The following ADAM17 variants were observed in gnomAD, a reference collection of about 807,000 sequenced individuals.
ADAM17 encodes ADAM metallopeptidase domain 17, also known as disintegrin and metalloproteinase domain-containing protein 17.
A neutral mutation model predicts 96.7 loss-of-function variants in ADAM17; 39 were observed. The observed-to-expected ratio is 0.40, with a 90% CI of 0.31 to 0.53. ADAM17 has a LOEUF of 0.53. ADAM17 is among the 20% of genes least tolerant of loss of function. ADAM17 has a pLI of 0.44. For missense variants in ADAM17, 777 were observed against 1,013.2 expected (o/e 0.77, Z 3.17); for synonymous variants, 344 against 359.2 (o/e 0.96, Z 0.48).
At chr2:9,514,839 C>T (rs1373756823) in intron 10 of ADAM17, among the ~76,000 whole-genome samples, 2 of 151,966 alleles carry the variant, frequency 1.3e-5, no homozygotes, top group African/African-American at 4.8e-5. Context: ...CATGCCATTG[C>T]ACTCCAGCAT....
intron 10 of ADAM17, among the ~76,000 whole-genome samples, chr2:9,515,020 G>A (rs936025778): frequency 6.6e-6 from 1 of 152,116 alleles, no homozygotes; most frequent in Non-Finnish European, 1.5e-5. Flanking sequence ...GCCACCACCT[G>A]TTTTTAAATC....
intron 4 of ADAM17, among the ~76,000 whole-genome samples, chr2:9,533,711 T>G (rs928427025): frequency 1.3e-5 from 2 of 152,206 alleles, no homozygotes; most frequent in African/African-American, 4.8e-5. Flanking sequence ...TGTTCTAGAA[T>G]GTATTGAACG....
chr2:9,502,500 A>C (rs1663066529), intron 12 of ADAM17, among the ~76,000 whole-genome samples: 1 of 152,176 alleles, frequency 6.6e-6, no homozygotes, highest in Non-Finnish European at 1.5e-5. Context: ...CTATAGGAGA[A>C]AAGAATGGGA....
chr2:9,495,160 C>T (rs1197319506), intron 14 of ADAM17, among the ~76,000 whole-genome samples: 1 of 152,252 alleles, frequency 6.6e-6, no homozygotes, highest in Non-Finnish European at 1.5e-5. Context: ...AGGGCCCACA[C>T]TGGCTCCCTG....
chr2:9,545,340 G>A (rs938859045), intron 1 of ADAM17, among the ~76,000 whole-genome samples: 2 of 152,228 alleles, frequency 1.3e-5, no homozygotes, highest in African/African-American at 2.4e-5. Flanking sequence ...AGGCAGAGGC[G>A]GGTGGATCAC....
intron 11 of ADAM17, chr2:9,505,713 A>T (rs1663347099): frequency 3.7e-6 from 1 of 267,240 alleles, no homozygotes; most frequent in African/African-American, 2.2e-5. Context: ...ATCAGACTTG[A>T]AATCTCCTCA....
chr2:9,511,381 C>T (rs1413605433), intron 10 of ADAM17, among the ~76,000 whole-genome samples: 1 of 151,842 alleles, frequency 6.6e-6, no homozygotes, highest in African/African-American at 2.4e-5. Context: ...ACCCAGGAGG[C>T]GGAGGTTGCA....
At chr2:9,501,149 C>G (rs1470387158) in intron 13 of ADAM17, among the ~76,000 whole-genome samples, 4 of 151,848 alleles carry the variant, frequency 2.6e-5, no homozygotes, top group African/African-American at 9.7e-5. Context: ...AAAAATGAAC[C>G]AAATATATGA....
intron 17 of ADAM17, among the ~76,000 whole-genome samples, chr2:9,492,081 G>A (rs1007342134): frequency 1.3e-5 from 2 of 152,184 alleles, no homozygotes; most frequent in South Asian, 4.1e-4. Context: ...CCCCTAGGCA[G>A]GAGAAGCCAG....
intron 2 of ADAM17, among the ~76,000 whole-genome samples, chr2:9,541,673 T>C (rs1387879575): frequency 6.6e-6 from 1 of 152,210 alleles, no homozygotes; most frequent in Non-Finnish European, 1.5e-5. Flanking sequence ...ATATCCTCCA[T>C]GGCTTGTTTT....
At chr2:9,526,371 G>T in intron 5 of ADAM17, 127 bp from the exon 6 acceptor site, 1 of 930,774 alleles carries the variant, frequency 1.1e-6, no homozygotes, top group South Asian at 2.2e-5. Flanking sequence ...AAAGGATTCT[G>T]AACAACAACA....
chr2:9,527,624 A>C, intron 5 of ADAM17, 162 bp downstream of exon 5: 1 of 444,580 alleles, frequency 2.2e-6, no homozygotes, highest in Non-Finnish European at 3.7e-6. Context: ...TTACATTATA[A>C]ACAAAAGAAG....
intron 8 of ADAM17, 112 bp downstream of exon 8, chr2:9,521,091 T>C (rs925627753): frequency 6.5e-6 from 5 of 764,006 alleles, no homozygotes; most frequent in African/African-American, 3.5e-5. Flanking sequence ...TGGAGGAGAC[T>C]GCTTCTGGGT....
intron 5 of ADAM17, among the ~76,000 whole-genome samples, chr2:9,527,014 T>C (rs1184490325): frequency 6.6e-6 from 1 of 151,900 alleles, no homozygotes; most frequent in African/African-American, 2.4e-5. Context: ...AATGCTAATA[T>C]ATAATTTTAA....
At chr2:9,518,390 C>T (rs1387305295) in intron 8 of ADAM17, 143 bp from the exon 9 acceptor site, 4 of 1,047,746 alleles carry the variant, frequency 3.8e-6, no homozygotes, top group Non-Finnish European at 5.2e-6. Context: ...CAATCACAAC[C>T]TCGTGCAGTG....
intron 2 of ADAM17, among the ~76,000 whole-genome samples, chr2:9,537,594 T>C (rs1665008439): frequency 1.3e-5 from 2 of 151,664 alleles, no homozygotes; most frequent in African/African-American, 4.8e-5. Flanking sequence ...TAGCCAGGCA[T>C]GGTGGCGGGT....
At chr2:9,505,469 C>T in intron 11 of ADAM17, 104 bp from the exon 12 acceptor site, 1 of 1,184,258 alleles carries the variant, frequency 8.4e-7, no homozygotes, top group Non-Finnish European at 1.2e-6. Context: ...TGTAAAACCA[C>T]CATCAGAGCC....
chr2:9,550,202 G>C (rs898499749), intron 1 of ADAM17, among the ~76,000 whole-genome samples: 2 of 152,130 alleles, frequency 1.3e-5, no homozygotes, highest in African/African-American at 4.8e-5. Context: ...AGGGACCCCA[G>C]AGCCTGGGAA....
At chr2:9,505,665 G>A in intron 11 of ADAM17, 1 of 365,200 alleles carries the variant, frequency 2.7e-6, no homozygotes, top group East Asian at 6.2e-5. Flanking sequence ...GCCCACTTAA[G>A]GACAAGCAGA....
Sources: allele counts gnomAD v4.1 joint callset (sites outside exome capture counted in the v4.1 genomes callset), GRCh38; gene constraint gnomAD v4.1.1; transcripts MANE v1.5; gene names NCBI Gene and HGNC (gene_info 2026-07-23, HGNC 2026-07-21).